The following TAF4 variants were observed in gnomAD, a reference collection of about 807,000 sequenced individuals.
TAF4 encodes the protein transcription initiation factor TFIID subunit 4.
Under a neutral mutation model 90.3 loss-of-function variants are expected in TAF4, and 9 were observed. The observed-to-expected ratio is 0.10, with a 90% CI of 0.06 to 0.17. The LOEUF is 0.17. Ranked by LOEUF, TAF4 falls within the 10% of genes least tolerant of loss-of-function variation. The pLI is 1.00. For synonymous variants in TAF4, 818 were observed against 638.9 expected, an observed-to-expected ratio of 1.28 and a Z score of -4.23; for missense variants, 1,351 against 1,370.7, an observed-to-expected ratio of 0.99 and a Z score of 0.23.
chr20:62,061,228 G>A (rs1280397794), intron 1 of TAF4, among the ~76,000 whole-genome samples: 4 of 152,184 alleles, frequency 2.6e-5, no homozygotes, highest in Non-Finnish European at 5.9e-5. Context: ...GCCTGGACTC[G>A]CCAAATCCAA....
rs570289012 is a variant in TAF4 at position 62,061,911 on chromosome 20, T to C, written c.1360+2540A>G. ...TAAACCAAATTCAACATACCCGGTG[T>C]GCACTATGGGGCTGAAACACTCGGG... On this transcript the variant is annotated intron_variant, in intron 1 of 14. Coordinates refer to ENST00000252996, the MANE Select transcript of TAF4 (RefSeq NM_003185.4). Among the ~76,000 whole-genome samples the C allele has an allele frequency of 3.7e-4, 57 of 152,374 alleles. 1 individual carries two copies. The highest frequency in any genetic ancestry group is 1.3e-3 in the African/African-American group (56 of 41,588).
chr20:61,985,248 C>T (rs755898644), intron 14 of TAF4, among the ~76,000 whole-genome samples: 209 of 151,800 alleles, frequency 1.4e-3, no homozygotes, highest in Middle Eastern at 6.8e-3. Flanking sequence ...GGACTAAACC[C>T]GAGCTGTGCT....
At chr20:62,057,103 C>T (rs1046559914) in intron 1 of TAF4, among the ~76,000 whole-genome samples, 2 of 152,212 alleles carry the variant, frequency 1.3e-5, no homozygotes, top group Non-Finnish European at 2.9e-5. Context: ...GTCCCACACA[C>T]TTTACTGCAA....
intron 1 of TAF4, among the ~76,000 whole-genome samples, chr20:62,046,172 C>A (rs932407886): frequency 6.6e-6 from 1 of 152,202 alleles, no homozygotes; most frequent in Non-Finnish European, 1.5e-5. Context: ...CCCGAAACAC[C>A]ACGCTACAGG....
chr20:62,056,499 T>C (rs1325677967), intron 1 of TAF4, among the ~76,000 whole-genome samples: 2 of 152,204 alleles, frequency 1.3e-5, no homozygotes, highest in South Asian at 4.1e-4. Flanking sequence ...CAGTTAGACA[T>C]GAAGGCATTC....
At chr20:62,060,352 A>G (rs1293030544) in intron 1 of TAF4, among the ~76,000 whole-genome samples, 2 of 152,284 alleles carry the variant, frequency 1.3e-5, no homozygotes, top group African/African-American at 4.8e-5. Context: ...TCTGCTGTGA[A>G]TGCAGTGCTC....
intron 1 of TAF4, among the ~76,000 whole-genome samples, chr20:62,053,815 G>C (rs1427900870): frequency 2.0e-5 from 3 of 152,250 alleles, no homozygotes; most frequent in Non-Finnish European, 2.9e-5. Flanking sequence ...CAATGACCAA[G>C]TCTTCTCGGC....
intron 1 of TAF4, among the ~76,000 whole-genome samples, chr20:62,026,282 C>T (rs1373985686): frequency 1.3e-5 from 2 of 152,182 alleles, no homozygotes; most frequent in South Asian, 2.1e-4. Flanking sequence ...CTCTACCTGA[C>T]CCCGTGAGCA....
intron 2 of TAF4, among the ~76,000 whole-genome samples, chr20:62,013,815 G>T (rs1046010561): frequency 2.6e-5 from 4 of 152,164 alleles, no homozygotes; most frequent in Non-Finnish European, 5.9e-5. Flanking sequence ...GCCGGGAGAG[G>T]CAAGTCCTGG....
chr20:62,054,761 C>T (rs920736588), intron 1 of TAF4, among the ~76,000 whole-genome samples: 1 of 152,148 alleles, frequency 6.6e-6, no homozygotes, highest in African/African-American at 2.4e-5. Context: ...AGGGCAGCCT[C>T]CTACGGCTCT....
At chr20:62,003,308 G>A (rs2055719490) in intron 8 of TAF4, 34 bp from the exon 9 acceptor site, 2 of 1,545,496 alleles carry the variant, frequency 1.3e-6, no homozygotes, top group South Asian at 1.1e-5. Context: ...AACCACACAA[G>A]GCTTTTATTA....
chr20:62,047,720 C>G (rs1220850967), intron 1 of TAF4, among the ~76,000 whole-genome samples: 1 of 152,342 alleles, frequency 6.6e-6, no homozygotes, highest in Non-Finnish European at 1.5e-5. Flanking sequence ...ACCGTCAAGC[C>G]CAGGTGATGC....
chr20:62,012,291 C>T (rs1259311748), intron 3 of TAF4: 1 of 152,400 alleles, frequency 6.6e-6, no homozygotes, highest in Non-Finnish European at 1.5e-5. Context: ...CCAGAGCCTC[C>T]CTTGCCTCAG....
At chr20:62,020,903 G>A (rs530884551) in intron 1 of TAF4, among the ~76,000 whole-genome samples, 1 of 152,180 alleles carries the variant, frequency 6.6e-6, no homozygotes, top group Non-Finnish European at 1.5e-5. Flanking sequence ...AATTCTAGGA[G>A]GACAGAAAGG....
At chr20:62,064,217 C>T (rs747990218) in intron 1 of TAF4, 2 of 417,970 alleles carry the variant, frequency 4.8e-6, no homozygotes, top group East Asian at 3.7e-5. Context: ...AGGCAGCCAG[C>T]GCGGACGTCA....
Position 62,065,200 on chromosome 20 carries a change from A to C in TAF4, c.611T>G (p.Leu204Arg), listed in dbSNP as rs560761408. The C allele has an allele frequency of 2.0e-4, 241 of 1,184,104 alleles. 2 individuals carry two copies. The South Asian group carries it at 3.0e-3, about 15-fold the overall frequency. The allele number at this position is 1,184,104 out of a possible 1,614,324, so 73.3% of individuals were successfully genotyped here. ...AAQTLNGSAA[L>R]LNSHHAAAPA... Reference sequence around the variant, plus strand: ...TGCGGCGGCGTGGTGCGAGTTCAGCAGCGCGGCGCTCCCATTCAAAGTTTG... The same window carrying C: ...TGCGGCGGCGTGGTGCGAGTTCAGCCGCGCGGCGCTCCCATTCAAAGTTTG... The change falls in exon 1 of 15, where the codon CTG (leucine) becomes CGG (arginine). Residue 204 changes from leucine to arginine, a missense_variant. Physicochemically the swap from Leu to Arg is moderately radical, Grantham distance 102. Coordinates refer to ENST00000252996, the MANE Select transcript of TAF4 (RefSeq NM_003185.4).
intron 9 of TAF4, among the ~76,000 whole-genome samples, chr20:62,002,701 T>A (rs1198487027): frequency 6.6e-6 from 1 of 152,154 alleles, no homozygotes; most frequent in African/African-American, 2.4e-5. Context: ...TACTATGTTG[T>A]GCAGGCTGGT....
chr20:62,040,575 G>C (rs1204953572), intron 1 of TAF4, among the ~76,000 whole-genome samples: 1 of 152,260 alleles, frequency 6.6e-6, no homozygotes, highest in African/African-American at 2.4e-5. Flanking sequence ...TACAGGCTGA[G>C]AAAGGTGCGC....
At chr20:62,055,695 T>C (rs2056059568) in intron 1 of TAF4, among the ~76,000 whole-genome samples, 5 of 152,360 alleles carry the variant, frequency 3.3e-5, no homozygotes, top group African/African-American at 1.2e-4. Flanking sequence ...CAGCTGCATG[T>C]GGCTGACCCC....
Sources: gnomAD v4.1 joint callset for allele counts (sites outside exome capture counted in the v4.1 genomes callset) on GRCh38, gnomAD v4.1.1 for gene constraint, MANE v1.5 for transcripts, NCBI Gene and HGNC (gene_info 2026-07-23, HGNC 2026-07-21) for gene names.